FSTL5: variants seen among roughly 807,000 people sequenced by gnomAD.
FSTL5 encodes the protein follistatin like 5, also known as follistatin-related protein 5.
FSTL5 carries 62 observed loss-of-function variants against 89.1 expected under a neutral mutation model. The observed-to-expected ratio is 0.70, with a 90% CI of 0.57 to 0.86. The LOEUF (loss-of-function observed/expected upper bound fraction) is 0.86, where lower values mean the gene tolerates loss of function less well. Among genes scored for constraint, FSTL5 ranks in the 40% least tolerant of loss-of-function variants. FSTL5 has a pLI of 0.00. For synonymous variants in FSTL5, 383 were observed against 346.2 expected (o/e 1.11, Z -1.18); for missense variants, 1,057 against 1,001.6 (o/e 1.06, Z -0.75).
At chr4:161,832,233 T>C (rs899023704) in intron 4 of FSTL5, among the ~76,000 whole-genome samples, 1 of 152,062 alleles carries the variant, frequency 6.6e-6, no homozygotes, top group African/African-American at 2.4e-5. Flanking sequence ...ATATGAAATC[T>C]GAACCAAACG....
chr4:162,077,282 G>A (rs1729891590), intron 2 of FSTL5, among the ~76,000 whole-genome samples: 1 of 151,716 alleles, frequency 6.6e-6, no homozygotes, highest in Admixed American at 6.6e-5. Flanking sequence ...CTACTCCCAT[G>A]ATGTTGGCAT....
chr4:161,897,098 A>T (rs1733182795), intron 4 of FSTL5, among the ~76,000 whole-genome samples: 1 of 151,854 alleles, frequency 6.6e-6, no homozygotes, highest in Non-Finnish European at 1.5e-5. Flanking sequence ...GCCACACAAA[A>T]TAAAAAATAT....
At chr4:161,747,625 G>T (rs942094831) in intron 6 of FSTL5, among the ~76,000 whole-genome samples, 1 of 152,148 alleles carries the variant, frequency 6.6e-6, no homozygotes, top group African/African-American at 2.4e-5. Context: ...TATGGTGGGG[G>T]CAACAACTAG....
At chr4:161,977,761 A>T (rs1560948739) in intron 3 of FSTL5, among the ~76,000 whole-genome samples, 1 of 151,724 alleles carries the variant, frequency 6.6e-6, no homozygotes, top group Non-Finnish European at 1.5e-5. Context: ...TGGAATTCAA[A>T]TCCAACTATA....
chr4:161,496,112 T>C (rs1578877745), intron 12 of FSTL5, among the ~76,000 whole-genome samples: 2 of 152,204 alleles, frequency 1.3e-5, no homozygotes, highest in South Asian at 2.1e-4. Flanking sequence ...ATTAGATGTA[T>C]ACATTTTTAA....
At chr4:162,039,595 G>A (rs536005710) in intron 2 of FSTL5, among the ~76,000 whole-genome samples, 5 of 151,926 alleles carry the variant, frequency 3.3e-5, no homozygotes, top group South Asian at 2.1e-4. Flanking sequence ...AGAAAAAAAC[G>A]CACTACTTGT....
chr4:161,650,128 C>T (rs1163181680), intron 7 of FSTL5, among the ~76,000 whole-genome samples: 1 of 152,114 alleles, frequency 6.6e-6, no homozygotes, highest in Non-Finnish European at 1.5e-5. Context: ...AATAGTAACA[C>T]AGTTTAGATA....
chr4:161,711,197 T>C (rs1002262099), intron 6 of FSTL5, among the ~76,000 whole-genome samples: 8 of 151,874 alleles, frequency 5.3e-5, no homozygotes, highest in Non-Finnish European at 7.4e-5. Context: ...ATAATATAGC[T>C]GTGGAAAAAA....
At chr4:161,872,131 T>G (rs1462266966) in intron 4 of FSTL5, among the ~76,000 whole-genome samples, 1 of 37,974 alleles carries the variant, frequency 2.6e-5, no homozygotes, top group Non-Finnish European at 5.5e-5. Context: ...GTAGTTTGTT[T>G]TTTTTTTTGG....
intron 3 of FSTL5, among the ~76,000 whole-genome samples, chr4:161,952,308 T>C (rs1734917955): frequency 6.6e-6 from 1 of 151,982 alleles, no homozygotes; most frequent in African/African-American, 2.4e-5. Flanking sequence ...TCAAGGGAAC[T>C]AGGGATGAAA....
chr4:161,385,514 G>T lies in FSTL5; in HGVS notation c.*233C>A. The T allele has an allele frequency of 2.3e-6, 1 of 431,586 alleles. No individual in the cohort carries two copies. Among genetic ancestry groups the T allele is most frequent in the Non-Finnish European group, 4.1e-6 (1 of 245,274 alleles). 26.7% of individuals were successfully genotyped at this position (431,586 alleles called of 1,614,324 possible). A position where few individuals can be genotyped will look rare whatever the true frequency, so the allele number is the denominator to read the frequency against. ...AGCATAATTTACATATTTGATTCTT[G>T]TGACTGATGTGATTTCTCATTAAAT... On this transcript the variant is annotated 3_prime_UTR_variant, in exon 16 of 16. Coordinates refer to ENST00000306100, the MANE Select transcript of FSTL5 (RefSeq NM_020116.5).
At chr4:162,087,684 G>T (rs986425671) in intron 2 of FSTL5, among the ~76,000 whole-genome samples, 3 of 152,110 alleles carry the variant, frequency 2.0e-5, no homozygotes, top group African/African-American at 7.2e-5. Context: ...GTAGATCGTT[G>T]TTGACATATT....
intron 6 of FSTL5, among the ~76,000 whole-genome samples, chr4:161,736,050 T>C (rs1214580509): frequency 6.6e-6 from 1 of 152,152 alleles, no homozygotes; most frequent in East Asian, 1.9e-4. Context: ...GTCAAATTTC[T>C]GCAATTGTTA....
chr4:161,904,606 A>G (rs1258090045), intron 4 of FSTL5, among the ~76,000 whole-genome samples: 9 of 149,286 alleles, frequency 6.0e-5, no homozygotes, highest in African/African-American at 2.2e-4. Flanking sequence ...AGATTATAAA[A>G]GATATTCATA....
intron 4 of FSTL5, among the ~76,000 whole-genome samples, chr4:161,816,012 C>T (rs1174007770): frequency 6.6e-6 from 1 of 152,170 alleles, no homozygotes; most frequent in African/African-American, 2.4e-5. Context: ...ATGGAACACA[C>T]AGTTAACTAC....
chr4:161,992,584 TGTA>T, intron 3 of FSTL5, among the ~76,000 whole-genome samples: 2 of 151,934 alleles, frequency 1.3e-5, no homozygotes, highest in East Asian at 3.9e-4. Flanking sequence ...GGTTCACGCC[TGTA>T]ATCCCAGCAC....
intron 8 of FSTL5, among the ~76,000 whole-genome samples, chr4:161,558,791 C>A (rs1732483926): frequency 6.6e-6 from 1 of 151,876 alleles, no homozygotes; most frequent in Admixed American, 6.6e-5. Context: ...ATTTATCTAG[C>A]CCAATTAGTA....
chr4:161,554,527 G>A (rs1314262623), intron 8 of FSTL5, among the ~76,000 whole-genome samples: 2 of 151,594 alleles, frequency 1.3e-5, no homozygotes, highest in Admixed American at 1.3e-4. Context: ...TGTTTTGGAA[G>A]CCTGAATTTA....
chr4:161,985,806 A>G (rs1371271728), intron 3 of FSTL5, among the ~76,000 whole-genome samples: 1 of 152,060 alleles, frequency 6.6e-6, no homozygotes, highest in Non-Finnish European at 1.5e-5. Flanking sequence ...TATATTTATC[A>G]TTACTCAAAT....
Sources: allele counts gnomAD v4.1 joint callset (sites outside exome capture counted in the v4.1 genomes callset), GRCh38; gene constraint gnomAD v4.1.1; transcripts MANE v1.5; gene names NCBI Gene and HGNC (gene_info 2026-07-23, HGNC 2026-07-21).